The following NRG1 variants were observed in gnomAD, a reference collection of about 807,000 sequenced individuals.
NRG1 encodes pro-neuregulin-1, membrane-bound isoform.
NRG1 carries 18 observed loss-of-function variants against 63.8 expected under a neutral mutation model. The observed-to-expected ratio is 0.28, with a 90% CI of 0.19 to 0.42. NRG1 has a LOEUF of 0.42. NRG1 is among the 10% of genes least tolerant of loss of function. The pLI is 1.00. For synonymous variants in NRG1, 302 were observed against 301.3 expected (o/e 1.00, Z -0.02); for missense variants, 762 against 814.7 (o/e 0.94, Z 0.79).
chr8:32,310,597 T>C (rs986231424), intron 1 of NRG1, among the ~76,000 whole-genome samples: 1 of 152,220 alleles, frequency 6.6e-6, no homozygotes, highest in Non-Finnish European at 1.5e-5. Context: ...GTCTGGTGAC[T>C]GGTTTTATAG....
At position 32,227,961 on chromosome 8, in the gene NRG1, A is replaced by G. The variant is rs573382080; in HGVS notation, c.38-367867A>G. Among the ~76,000 whole-genome samples the G allele has an allele frequency of 1.5e-4, 23 of 152,322 alleles. No homozygotes were observed. In the South Asian group the frequency reaches 4.8e-3, roughly 32 times the overall value. ...GAATACAGGTATACAAGTTGTTAGC[A>G]ATATTTGGTTATATAATGTCTATAG... is the stretch of plus-strand genomic sequence containing the variant. On this transcript the variant is annotated intron_variant, in intron 1 of 10. Transcript: ENST00000519301.
At chr8:32,307,734 A>G (rs1856375356) in intron 1 of NRG1, among the ~76,000 whole-genome samples, 1 of 152,140 alleles carries the variant, frequency 6.6e-6, no homozygotes, top group African/African-American at 2.4e-5. Context: ...TTGAATGCCC[A>G]CACATGTAGG....
At chr8:32,527,353 C>A (rs1057353976) in intron 1 of NRG1, among the ~76,000 whole-genome samples, 16 of 152,218 alleles carry the variant, frequency 1.1e-4, no homozygotes, top group African/African-American at 3.6e-4. Context: ...AAAATCATGT[C>A]TTTTGCAGCA....
intron 1 of NRG1, among the ~76,000 whole-genome samples, chr8:32,582,548 C>T (rs1020051642): frequency 2.6e-5 from 4 of 152,170 alleles, no homozygotes; most frequent in African/African-American, 9.7e-5. Context: ...GTATGGGATA[C>T]AGTTCTTTGA....
At position 31,932,343 on chromosome 8, in the gene NRG1, C is replaced by T. The variant is rs76141769; in HGVS notation, c.37+292912C>T. Among the ~76,000 whole-genome samples the T allele has an allele frequency of 5.1e-4, 77 of 152,144 alleles. No homozygotes were observed. In the East Asian group the frequency reaches 0.014, roughly 27 times the overall value. On this transcript the variant is annotated intron_variant, in intron 1 of 10. Transcript: ENST00000519301. ...GATGTACAAATTTCAGGCAAGTATC[C>T]GATGTATCTTATAGAATCAGCTACC...
intron 5 of NRG1, among the ~76,000 whole-genome samples, chr8:32,675,811 AAT>A (rs1473034278): frequency 6.6e-6 from 1 of 152,130 alleles, no homozygotes; most frequent in African/African-American, 2.4e-5. Flanking sequence ...AATATGGTAA[AAT>A]ATGTTAGTTT....
intron 1 of NRG1, among the ~76,000 whole-genome samples, chr8:31,759,707 A>G (rs1277890954): frequency 4.6e-5 from 7 of 152,178 alleles, no homozygotes; most frequent in African/African-American, 7.2e-5. Flanking sequence ...CTTTAAAACT[A>G]CATATGAATT....
intron 1 of NRG1, among the ~76,000 whole-genome samples, chr8:32,244,175 A>G (rs760487771): frequency 2.6e-5 from 4 of 152,262 alleles, no homozygotes; most frequent in Admixed American, 6.5e-5. Flanking sequence ...ACTCTTTTAT[A>G]TGATACATAA....
chr8:32,575,773 C>T (rs1451627638), intron 1 of NRG1, among the ~76,000 whole-genome samples: 1 of 152,132 alleles, frequency 6.6e-6, no homozygotes, highest in Non-Finnish European at 1.5e-5. Context: ...GCAGTTCTTA[C>T]ACCTTTTATA....
intron 1 of NRG1, among the ~76,000 whole-genome samples, chr8:31,861,583 A>G (rs1347323694): frequency 6.6e-6 from 1 of 152,180 alleles, no homozygotes; most frequent in African/African-American, 2.4e-5. Flanking sequence ...CAACTGCTGC[A>G]TTGCAGTCAG....
At chr8:31,783,813 C>T (rs1201684810) in intron 1 of NRG1, among the ~76,000 whole-genome samples, 4 of 152,086 alleles carry the variant, frequency 2.6e-5, no homozygotes, top group Non-Finnish European at 5.9e-5. Context: ...TAGAAGGCCT[C>T]GCATGGTATG....
intron 1 of NRG1, among the ~76,000 whole-genome samples, chr8:32,021,035 T>C (rs1816348994): frequency 6.6e-6 from 1 of 152,244 alleles, no homozygotes; most frequent in East Asian, 1.9e-4. Flanking sequence ...ACAAGTCCAT[T>C]ACTATTTTCA....
intron 1 of NRG1, among the ~76,000 whole-genome samples, chr8:32,177,586 CG>C (rs1416287152): frequency 6.6e-6 from 1 of 151,810 alleles, no homozygotes; most frequent in Middle Eastern, 3.2e-3. Flanking sequence ...ATGTTCCCCT[CG>C]CTGTGTCCAT....
At chr8:32,602,560 T>C (rs925767523) in intron 2 of NRG1, among the ~76,000 whole-genome samples, 4 of 152,166 alleles carry the variant, frequency 2.6e-5, no homozygotes, top group Admixed American at 2.0e-4. Context: ...TTGTAAATTC[T>C]TGGGATGTTG....
At chr8:32,516,046 A>G (rs933989725) in intron 1 of NRG1, among the ~76,000 whole-genome samples, 1 of 152,104 alleles carries the variant, frequency 6.6e-6, no homozygotes, top group Admixed American at 6.6e-5. Context: ...AAAGACTGGG[A>G]TCATATGTTT....
intron 1 of NRG1, among the ~76,000 whole-genome samples, chr8:32,200,642 C>T (rs1843407493): frequency 6.6e-6 from 1 of 152,150 alleles, no homozygotes; most frequent in Non-Finnish European, 1.5e-5. Context: ...AAGACTGGAG[C>T]TTATCACAAG....
intron 1 of NRG1, among the ~76,000 whole-genome samples, chr8:32,238,044 G>T (rs1387755767): frequency 6.6e-6 from 1 of 152,138 alleles, no homozygotes; most frequent in East Asian, 1.9e-4. Context: ...CAGTACTGTG[G>T]TTTCAGTTTG....
intron 1 of NRG1, among the ~76,000 whole-genome samples, chr8:31,959,791 T>TGA (rs1805119387): frequency 7.7e-6 from 1 of 129,246 alleles, no homozygotes; most frequent in African/African-American, 3.0e-5. Flanking sequence ...TATTTATTTA[T>TGA]TTATTATTTA....
Position 31,809,739 on chromosome 8 carries a change from TTG to T in NRG1, c.37+170310_37+170311del, listed in dbSNP as rs1491111663. Among the ~76,000 whole-genome samples the T allele has an allele frequency of 2.0e-3, 244 of 120,798 alleles. 4 individuals are homozygous for T. Among genetic ancestry groups the T allele is most frequent in the African/African-American group, 7.1e-3 (231 of 32,562 alleles). The allele number at this position is 120,798 out of a possible 152,430, so 79.2% of individuals were successfully genotyped here. A position where few individuals can be genotyped will look rare whatever the true frequency, so the allele number is the denominator to read the frequency against. On this transcript the variant is annotated intron_variant, in intron 1 of 10. Transcript: ENST00000519301. ...GATTTTTTTCTACTCCTTCTATTAATTGTTTTTTTTTTTTTTTTTTTTTGAGA... is the reference window on the plus strand; with the variant it reads ...GATTTTTTTCTACTCCTTCTATTAATTTTTTTTTTTTTTTTTTTTTTGAGA...
Sources: gnomAD v4.1 joint callset for allele counts (sites outside exome capture counted in the v4.1 genomes callset) on GRCh38, gnomAD v4.1.1 for gene constraint, MANE v1.5 for transcripts, NCBI Gene and HGNC (gene_info 2026-07-23, HGNC 2026-07-21) for gene names.